Variants in RNF213 observed in about 807,000 individuals in gnomAD.
RNF213 encodes ring finger protein 213.
RNF213 carries 341 observed loss-of-function variants against 514.4 expected under a neutral mutation model. The observed-to-expected ratio is 0.66, with a 90% CI of 0.61 to 0.73. RNF213 has a LOEUF of 0.73. Among genes scored for constraint, RNF213 ranks in the 30% least tolerant of loss-of-function variants. The probability of loss-of-function intolerance (pLI) is 0.00; values close to 1 mark genes in which losing one functional copy is unlikely to be tolerated. For missense variants in RNF213, 5,767 were observed against 6,615.6 expected (o/e 0.87, Z 4.45); for synonymous variants, 2,655 against 2,658.2 (o/e 1.00, Z 0.04).
intron 3 of RNF213, among the ~76,000 whole-genome samples, chr17:80,283,169 G>A (rs1179463473): frequency 1.3e-5 from 2 of 152,130 alleles, no homozygotes; most frequent in Non-Finnish European, 2.9e-5. Context: ...ACTGTTCAAT[G>A]GAAAAGCAGA....
rs117893374 is a variant in RNF213 at position 80,305,542 on chromosome 17, G to T, written c.2211-710G>T. 5.3e-5 allele frequency among the ~76,000 whole-genome samples: 8 copies of T among 151,856 alleles called. 1 individual carries two copies. The East Asian group carries it at 7.8e-4, about 15-fold the overall frequency. On this transcript the variant is annotated intron_variant, in intron 11 of 67. Coordinates refer to ENST00000582970, the MANE Select transcript of RNF213 (RefSeq NM_001256071.3). Reference sequence around the variant, plus strand: ...GAACAGGGCTACCCCATAGGAGCATGCCCAGAATGGCCAGCAGTGAATTCT... The same window carrying T: ...GAACAGGGCTACCCCATAGGAGCATTCCCAGAATGGCCAGCAGTGAATTCT...
chr17:80,369,915 C>G (rs367752941), intron 46 of RNF213, 48 bp downstream of exon 46: 15 of 1,289,010 alleles, frequency 1.2e-5, no homozygotes, highest in African/African-American at 8.7e-5. Context: ...GGCTTTTTCT[C>G]TTCATCGCAG....
chr17:80,363,628 C>T lies in RNF213; in HGVS notation c.11588C>T (p.Ala3863Val). The change falls in exon 41 of 68, where the codon GCA becomes GTA. Residue 3863 changes from alanine to valine, a missense_variant. Transcript: ENST00000582970. ...GCEMTLDAFA[A>V]MACTEMLTRN... ...CCCCAGACCCTGGACGCATTTGCCG[C>T]AATGGCCTGCACGGAGATGCTGACA... 1 of 1,613,942 alleles carries T rather than the reference C, an allele frequency of 6.2e-7. No individual in the cohort carries two copies. The highest frequency in any genetic ancestry group is 8.5e-7 in the Non-Finnish European group (1 of 1,180,040).
chr17:80,365,991 C>T (rs1262380476), intron 42 of RNF213, among the ~76,000 whole-genome samples: 1 of 152,190 alleles, frequency 6.6e-6, no homozygotes, highest in African/African-American at 2.4e-5. Context: ...TGGTTTATTT[C>T]CTTCCAGTCA....
In RNF213 at chr17:80,332,015, G is replaced by A; in HGVS notation, c.3527G>A (p.Gly1176Glu). Reference protein sequence around the residue: ...NVKHLIQVDFGVLAVRHSQDL... With the variant: ...NVKHLIQVDFEVLAVRHSQDL... ...CTTTTCGCTTCTAAAGTGGACTTTG[G>A]AGTGCTTGCAGTAAGACACTCACAA... is the stretch of plus-strand genomic sequence containing the variant. The change falls in exon 21 of 68, where the codon GGA becomes GAA. Residue 1176 changes from glycine to glutamate, a missense_variant. Gly to Glu is a moderately conservative substitution (Grantham distance 98, BLOSUM62 -2). Transcript: ENST00000582970. 2 of 1,534,242 alleles carry A rather than the reference G, an allele frequency of 1.3e-6. No individual in the cohort carries two copies. Among genetic ancestry groups the A allele is most frequent in the Non-Finnish European group, 1.7e-6 (2 of 1,144,514 alleles).
chr17:80,378,942 G>C (rs1390832916), intron 54 of RNF213, among the ~76,000 whole-genome samples: 1 of 152,244 alleles, frequency 6.6e-6, no homozygotes, highest in African/African-American at 2.4e-5. Flanking sequence ...AGGAGGCTGA[G>C]GCAGGTGGAT....
rs754216312 is a variant in RNF213 at position 80,389,815 on chromosome 17, A to G, written c.15196-13A>G. ...ACCTCAGCCCCCACTCAGGAATTCT[A>G]TTCCTTCTGCAGGCCTTAAACAGAT... On this transcript the variant is annotated splice_polypyrimidine_tract_variant and intron_variant, in intron 65 of 67. Transcript: ENST00000582970. The G allele has an allele frequency of 1.7e-5, 27 of 1,611,912 alleles. No individual in the cohort carries two copies. Among genetic ancestry groups the G allele is most frequent in the African/African-American group, 6.7e-5 (5 of 74,886 alleles).
intron 63 of RNF213, among the ~76,000 whole-genome samples, chr17:80,388,377 T>C (rs2080324565): frequency 6.6e-6 from 1 of 152,160 alleles, no homozygotes; most frequent in Non-Finnish European, 1.5e-5. Flanking sequence ...CAGGCCACGA[T>C]GATGTGACAA....
rs748996205 is a variant in RNF213, at chr17:80,340,250, C to T, written c.5883C>T (p.Ala1961=). 2 of 1,614,160 alleles carry T rather than the reference C, an allele frequency of 1.2e-6. No individual in the cohort carries two copies. Among genetic ancestry groups the T allele is most frequent in the Admixed American group, 3.3e-5 (2 of 60,026 alleles). The part of the protein sequence containing the change: ...TPQAPLEAIQ[A]YLAGHYRVPK... ...AGGCACCCCTCGAGGCCATCCAAGC[C>T]TACCTGGCAGGTCACTACCGGGTCC... Residue 1961 remains alanine (A), a synonymous_variant, in exon 26 of 68, where the codon GCC becomes GCT. Transcript: ENST00000582970.
chr17:80,293,826 A>T (rs959479866), intron 8 of RNF213, among the ~76,000 whole-genome samples: 80 of 136,808 alleles, frequency 5.8e-4, no homozygotes, highest in Non-Finnish European at 1.1e-3. Flanking sequence ...GACTCAGTCT[A>T]AAAAAAAAAA....
At chr17:80,297,781 C>T (rs528615982) in intron 10 of RNF213, among the ~76,000 whole-genome samples, 17 of 116,788 alleles carry the variant, frequency 1.5e-4, no homozygotes, top group Admixed American at 1.4e-3. Context: ...AGTGAGACTC[C>T]GTCTCAAAAA....
rs771972724 is a variant in RNF213, at chr17:80,289,761, A to T, written c.1036A>T (p.Asn346Tyr). The T allele has an allele frequency of 2.5e-6, 4 of 1,614,004 alleles. No individual in the cohort carries two copies. In the East Asian group the frequency reaches 8.9e-5, roughly 36 times the overall value. The change falls in exon 6 of 68, where the codon AAC becomes TAC. Residue 346 changes from asparagine to tyrosine, a missense_variant. Asn to Tyr is a moderately radical substitution (Grantham distance 143, BLOSUM62 -2). Transcript: ENST00000582970. ...AGACCTCAAGAAGCCAGAGGGGAAGAACAGAAGTGCAGCTGCTGTGAAAAA... is the reference window on the plus strand; with the variant it reads ...AGACCTCAAGAAGCCAGAGGGGAAGTACAGAAGTGCAGCTGCTGTGAAAAA... Reference protein sequence around the residue: ...PEDLKKPEGKNRSAAAVKNEK... With the variant: ...PEDLKKPEGKYRSAAAVKNEK...
intron 52 of RNF213, 83 bp from the exon 53 acceptor site, chr17:80,376,799 T>C (rs1307646619): frequency 1.6e-6 from 2 of 1,271,842 alleles, no homozygotes; most frequent in Non-Finnish European, 2.3e-6. Context: ...GTTCCCTTTC[T>C]TCCTCTAGGC....
chr17:80,361,006 C>G (rs940860823), intron 38 of RNF213, among the ~76,000 whole-genome samples: 3 of 152,180 alleles, frequency 2.0e-5, no homozygotes, highest in African/African-American at 7.2e-5. Context: ...CCAGATCTTT[C>G]TGGCTTGCAT....
intron 29 of RNF213, 60 bp downstream of exon 29, chr17:80,348,346 G>A (rs555730526): frequency 3.1e-6 from 5 of 1,596,454 alleles, no homozygotes; most frequent in Non-Finnish European, 4.2e-6. Context: ...TAAATCCCTC[G>A]TGTCAGGATT....
Position 80,377,436 on chromosome 17 carries a change from A to AC in RNF213, c.13511-325dup, listed in dbSNP as rs1490193379. Among the ~76,000 whole-genome samples, 1 of 110,830 alleles carries AC rather than the reference A, an allele frequency of 9.0e-6. No individual in the cohort carries two copies. The highest frequency in any genetic ancestry group is 2.8e-5 in the African/African-American group (1 of 35,858). The allele number at this position is 110,830 out of a possible 152,430, so 72.7% of individuals were successfully genotyped here. Reference sequence around the variant, plus strand: ...AAAGTTGTTATAAAATATGCTCATGACAAAAAAAAAAAAATCAAGGAAAAT... The same window carrying AC: ...AAAGTTGTTATAAAATATGCTCATGACCAAAAAAAAAAAAATCAAGGAAAAT... On this transcript the variant is annotated intron_variant, in intron 53 of 67. Transcript: ENST00000582970. The surrounding 1 kb of genome is among the most constrained non-coding windows in gnomAD (Gnocchi z 4.1).
At chr17:80,276,087 T>TG (rs545721414) in intron 3 of RNF213, among the ~76,000 whole-genome samples, 4,355 of 150,670 alleles carry the variant, frequency 0.029, 192 homozygotes, top group African/African-American at 0.098. Flanking sequence ...ATTTATTTAT[T>TG]TTTTGTTTTA....
intron 6 of RNF213, among the ~76,000 whole-genome samples, chr17:80,290,276 G>A (rs1005199110): frequency 6.6e-6 from 1 of 152,248 alleles, no homozygotes; most frequent in African/African-American, 2.4e-5. Flanking sequence ...ACGAACACAA[G>A]GACCATGTGC....
chr17:80,269,008 A>G (rs1342999177), intron 2 of RNF213, among the ~76,000 whole-genome samples: 1 of 152,182 alleles, frequency 6.6e-6, no homozygotes, highest in Admixed American at 6.5e-5. Context: ...GCGTAAGTCC[A>G]AGTTTCCAAA....
Sources: gnomAD v4.1 joint callset for allele counts (sites outside exome capture counted in the v4.1 genomes callset) on GRCh38, gnomAD v4.1.1 for gene constraint, Gnocchi (gnomAD v3.1) non-coding constraint, MANE v1.5 for transcripts, NCBI Gene and HGNC (gene_info 2026-07-23, HGNC 2026-07-21) for gene names.